SGCZ: variants seen among roughly 807,000 people sequenced by gnomAD.
SGCZ encodes the protein zeta-sarcoglycan.
A neutral mutation model predicts 41.3 loss-of-function variants in SGCZ; 40 were observed. The observed-to-expected ratio is 0.97, with a 90% CI of 0.75 to 1.26. The LOEUF is 1.26. Among genes scored for constraint, SGCZ ranks in the 50% most tolerant of loss-of-function variants. The pLI is 0.00. For synonymous variants in SGCZ, 206 were observed against 137.5 expected (o/e 1.50, Z -3.49); for missense variants, 552 against 369.8 (o/e 1.49, Z -4.04).
At chr8:14,226,170 T>G (rs528501935) in intron 4 of SGCZ, among the ~76,000 whole-genome samples, 1 of 151,954 alleles carries the variant, frequency 6.6e-6, no homozygotes, top group Non-Finnish European at 1.5e-5. Flanking sequence ...ATGAAGAAAA[T>G]ATTAGTATTC....
At chr8:15,112,568 G>C (rs78089174) in intron 1 of SGCZ, among the ~76,000 whole-genome samples, 1,764 of 152,314 alleles carry the variant, frequency 0.012, 31 homozygotes, top group African/African-American at 0.041. Flanking sequence ...GAAAAGTAAT[G>C]TGTCCGTTTC....
At position 14,496,499 on chromosome 8, in the gene SGCZ, T is replaced by C. The variant is rs144017730; in HGVS notation, c.234+58233A>G. Among the ~76,000 whole-genome samples, 726 of 152,318 alleles carry C rather than the reference T, an allele frequency of 4.8e-3. 5 individuals are homozygous for C. Among genetic ancestry groups the C allele is most frequent in the Middle Eastern group, 6.8e-3 (2 of 294 alleles). ...ATTTGGTGCATCTTACTACCTCACG[T>C]ACACCATTCTTTCATCAAACTATCC... On this transcript the variant is annotated intron_variant, in intron 2 of 7. Transcript: ENST00000382080.
chr8:15,114,772 G>A (rs1375651471), intron 1 of SGCZ, among the ~76,000 whole-genome samples: 1 of 146,882 alleles, frequency 6.8e-6, no homozygotes, highest in Non-Finnish European at 1.5e-5. Flanking sequence ...TTTTTTTTCA[G>A]TTTCTCAACT....
intron 1 of SGCZ, among the ~76,000 whole-genome samples, chr8:14,613,595 T>C (rs1051816737): frequency 3.3e-5 from 5 of 152,152 alleles, no homozygotes; most frequent in Non-Finnish European, 7.3e-5. Context: ...TAAAAACAAA[T>C]CCTTCTAAAT....
At chr8:14,962,090 G>T (rs1385696423) in intron 1 of SGCZ, among the ~76,000 whole-genome samples, 1 of 152,042 alleles carries the variant, frequency 6.6e-6, no homozygotes. Flanking sequence ...ACAGGAAGGG[G>T]ATAAAAAGGA....
At chr8:14,110,662 G>T (rs1452050105) in intron 5 of SGCZ, among the ~76,000 whole-genome samples, 1 of 152,040 alleles carries the variant, frequency 6.6e-6, no homozygotes, top group African/African-American at 2.4e-5. Context: ...TGAGCCAAAG[G>T]TACAAAATTA....
intron 4 of SGCZ, among the ~76,000 whole-genome samples, chr8:14,235,703 G>A (rs577695000): frequency 1.1e-4 from 17 of 152,022 alleles, no homozygotes; most frequent in African/African-American, 4.1e-4. Flanking sequence ...ACGTTTTTTT[G>A]AGACAGAGTC....
chr8:14,209,748 A>G (rs188218475), intron 4 of SGCZ, among the ~76,000 whole-genome samples: 20 of 152,324 alleles, frequency 1.3e-4, no homozygotes, highest in African/African-American at 4.8e-4. Flanking sequence ...TATCAAATTT[A>G]TCAGCAGTAA....
At chr8:14,558,490 G>A (rs1381799740) in intron 1 of SGCZ, among the ~76,000 whole-genome samples, 1 of 151,548 alleles carries the variant, frequency 6.6e-6, no homozygotes, top group Non-Finnish European at 1.5e-5. Flanking sequence ...CAGAAGAATT[G>A]CTTGAACCCG....
intron 4 of SGCZ, among the ~76,000 whole-genome samples, chr8:14,236,034 C>G (rs1256801406): frequency 6.6e-6 from 1 of 152,162 alleles, no homozygotes; most frequent in Admixed American, 6.6e-5. Context: ...ATATCAAGGA[C>G]TGAATGCAAA....
chr8:14,159,357 A>G (rs1024111297), intron 5 of SGCZ, among the ~76,000 whole-genome samples: 5 of 152,222 alleles, frequency 3.3e-5, no homozygotes, highest in African/African-American at 9.6e-5. Context: ...TCACAAAACT[A>G]TATGAAATAT....
chr8:14,253,243 G>GGGGTGTGTGT (rs1554488197), intron 3 of SGCZ, among the ~76,000 whole-genome samples: 2 of 148,858 alleles, frequency 1.3e-5, no homozygotes, highest in East Asian at 4.0e-4. Flanking sequence ...TTGTGTGTAG[G>GGGGTGTGTGT]GTGTGTGTGT....
chr8:15,145,574 C>T (rs950418383), intron 1 of SGCZ, among the ~76,000 whole-genome samples: 5 of 152,178 alleles, frequency 3.3e-5, no homozygotes, highest in African/African-American at 9.7e-5. Context: ...TTGAGTAATC[C>T]TCCTGCCTCA....
chr8:14,867,086 T>C (rs1244600838), intron 1 of SGCZ, among the ~76,000 whole-genome samples: 1 of 152,168 alleles, frequency 6.6e-6, no homozygotes, highest in East Asian at 1.9e-4. Flanking sequence ...GGTCATTCAC[T>C]ATCCTAGACA....
At chr8:15,161,971 C>T (rs145596263) in intron 1 of SGCZ, among the ~76,000 whole-genome samples, 71 of 152,268 alleles carry the variant, frequency 4.7e-4, no homozygotes, top group African/African-American at 1.7e-3. Flanking sequence ...GTGGAGGTTG[C>T]AGTGACCCAA....
At chr8:14,366,044 G>A (rs904362069) in intron 2 of SGCZ, among the ~76,000 whole-genome samples, 5 of 151,892 alleles carry the variant, frequency 3.3e-5, no homozygotes, top group Non-Finnish European at 7.4e-5. Context: ...GTACTTTCAT[G>A]CATCTTGAGT....
intron 1 of SGCZ, among the ~76,000 whole-genome samples, chr8:14,880,013 G>C (rs897758065): frequency 4.0e-5 from 6 of 151,840 alleles, no homozygotes; most frequent in African/African-American, 4.8e-5. Context: ...GCTAAGTTTT[G>C]TATTTTTAGT....
At chr8:14,944,597 A>G (rs1800380828) in intron 1 of SGCZ, among the ~76,000 whole-genome samples, 1 of 152,228 alleles carries the variant, frequency 6.6e-6, no homozygotes, top group African/African-American at 2.4e-5. Context: ...CAATAGACCA[A>G]TAGATTATAT....
At chr8:15,166,395 C>CCT (rs1453710383) in intron 1 of SGCZ, among the ~76,000 whole-genome samples, 1 of 151,946 alleles carries the variant, frequency 6.6e-6, no homozygotes, top group African/African-American at 2.4e-5. Context: ...CTACAGGCGC[C>CCT]CACCACCATG....
Sources: gnomAD v4.1 joint callset for allele counts (sites outside exome capture counted in the v4.1 genomes callset) on GRCh38, gnomAD v4.1.1 for gene constraint, MANE v1.5 for transcripts, NCBI Gene and HGNC (gene_info 2026-07-23, HGNC 2026-07-21) for gene names.